CLN8: variants seen among roughly 807,000 people sequenced by gnomAD.
CLN8 encodes protein CLN8.
A neutral mutation model predicts 15.7 loss-of-function variants in CLN8; 14 were observed. The ratio of observed to expected loss-of-function variants is 0.89; its 90% CI spans 0.59 to 1.39. The LOEUF (loss-of-function observed/expected upper bound fraction) is 1.39, where lower values mean the gene tolerates loss of function less well. Ranked by LOEUF, CLN8 falls within the 40% of genes most tolerant of loss-of-function variation. The pLI is 0.00. For synonymous variants in CLN8, 188 were observed against 151.0 expected, an observed-to-expected ratio of 1.25 and a Z score of -1.80; for missense variants, 415 against 364.0, an observed-to-expected ratio of 1.14 and a Z score of -1.14.
intron 2 of CLN8, chr8:1,773,843 C>CA (rs1217245586): frequency 3.9e-5 from 6 of 152,344 alleles, no homozygotes; most frequent in African/African-American, 1.4e-4. Flanking sequence ...GAAAGGAAAG[C>CA]AGAGGCGCTC....
chr8:1,760,749 G>A (rs766422472), upstream of CLN8, among the ~76,000 whole-genome samples: 6 of 152,142 alleles, frequency 3.9e-5, no homozygotes, highest in Non-Finnish European at 7.4e-5. Context: ...GAGAGTTCTC[G>A]GATCTTGCGC....
intron 1 of CLN8, among the ~76,000 whole-genome samples, chr8:1,768,307 T>C (rs1801149215): frequency 6.6e-6 from 1 of 152,146 alleles, no homozygotes; most frequent in Admixed American, 6.5e-5. Flanking sequence ...AGCCAGCCGC[T>C]CTTCTTGGTT....
upstream of CLN8, chr8:1,762,839 A>C (rs1800834182): frequency 6.6e-6 from 1 of 152,198 alleles, no homozygotes; most frequent in African/African-American, 2.4e-5. Flanking sequence ...CCCAGTGCAG[A>C]TGCTCTGTAT....
chr8:1,759,087 T>C (rs1168847779), upstream of CLN8: 1 of 152,206 alleles, frequency 6.6e-6, no homozygotes, highest in Non-Finnish European at 1.5e-5. Context: ...TAGTATCTTA[T>C]TGCTACAGAG....
Position 1,786,126 on chromosome 8 carries a change from C to A in CLN8, c.*5559C>A, listed in dbSNP as rs1435715091. On this transcript the variant is annotated 3_prime_UTR_variant, in exon 3 of 3. Coordinates refer to ENST00000331222, the MANE Select transcript of CLN8 (RefSeq NM_018941.4). ...CAGACAGCCTGCCTTGTGCTGCATA[C>A]CTGGCTTTGCTCTGTGCAGAACCCA... 3 of 152,482 alleles carry A rather than the reference C, an allele frequency of 2.0e-5. No homozygotes were observed. Among genetic ancestry groups the A allele is most frequent in the Non-Finnish European group, 4.4e-5 (3 of 68,278 alleles). The allele number at this position is 152,482 out of a possible 1,614,324, so 9.4% of individuals were successfully genotyped here.
At chr8:1,754,889 A>C (rs954300420), upstream of CLN8, among the ~76,000 whole-genome samples, 1 of 152,198 alleles carries the variant, frequency 6.6e-6, no homozygotes, top group Non-Finnish European at 1.5e-5. Context: ...GCCTGCCCAG[A>C]AGCAGGCCGG....
Position 1,782,911 on chromosome 8 carries a change from G to T in CLN8, c.*2344G>T, listed in dbSNP as rs1419861291. 2.0e-5 allele frequency: 3 copies of T among 152,358 alleles called. No homozygotes were observed. The highest frequency in any genetic ancestry group is 3.9e-4 in the East Asian group (2 of 5,184). The allele number at this position is 152,358 out of a possible 1,614,324, so 9.4% of individuals were successfully genotyped here. A position where few individuals can be genotyped will look rare whatever the true frequency, so the allele number is the denominator to read the frequency against. On this transcript the variant is annotated 3_prime_UTR_variant, in exon 3 of 3. Coordinates refer to ENST00000331222, the MANE Select transcript of CLN8 (RefSeq NM_018941.4). Reference sequence around the variant, plus strand: ...TTACCTCCTGTATCTTCATACGCGTGTGTGGATGCATAGAGATGGAGGTGC... The same window carrying T: ...TTACCTCCTGTATCTTCATACGCGTTTGTGGATGCATAGAGATGGAGGTGC...
chr8:1,777,667 G>C (rs1801571590), intron 2 of CLN8, among the ~76,000 whole-genome samples: 1 of 151,982 alleles, frequency 6.6e-6, no homozygotes, highest in South Asian at 2.1e-4. Flanking sequence ...CATTCATCCA[G>C]CCCTGCACAG....
intron 1 of CLN8, among the ~76,000 whole-genome samples, chr8:1,756,391 G>A (rs980064051): frequency 1.3e-5 from 2 of 151,864 alleles, no homozygotes; most frequent in African/African-American, 4.8e-5. Flanking sequence ...GGCTGAGGCA[G>A]GAGAATTGCT....
chr8:1,767,198 A>G (rs1043505920), intron 1 of CLN8, among the ~76,000 whole-genome samples: 4 of 152,212 alleles, frequency 2.6e-5, no homozygotes, highest in African/African-American at 9.7e-5. Flanking sequence ...GTTAGACTAG[A>G]ACAGCACCAG....
rs1319439128 is a variant in CLN8, at chr8:1,781,344, TGACA to T, written c.*780_*783del. 1 of 138,820 alleles carries T rather than the reference TGACA, an allele frequency of 7.2e-6. No individual in the cohort carries two copies. The highest frequency in any genetic ancestry group is 2.8e-5 in the African/African-American group (1 of 36,306). 8.6% of individuals were successfully genotyped at this position (138,820 alleles called of 1,614,324 possible). On this transcript the variant is annotated 3_prime_UTR_variant, in exon 3 of 3. Coordinates refer to ENST00000331222, the MANE Select transcript of CLN8 (RefSeq NM_018941.4). Reference sequence around the variant, plus strand: ...CTGCACTCCAGCACTCCAGCCTGGGTGACAGAGCAAGACTCTCTCTCAAAAAAAA... The same window carrying T: ...CTGCACTCCAGCACTCCAGCCTGGGTGAGCAAGACTCTCTCTCAAAAAAAA...
upstream of CLN8, among the ~76,000 whole-genome samples, chr8:1,753,691 C>G (rs1800604173): frequency 6.6e-6 from 1 of 151,736 alleles, no homozygotes; most frequent in African/African-American, 2.4e-5. Context: ...CGAGACCATC[C>G]TGGCTAACAT....
upstream of CLN8, among the ~76,000 whole-genome samples, chr8:1,754,953 A>G (rs148871554): frequency 5.9e-5 from 9 of 152,286 alleles, no homozygotes; most frequent in East Asian, 1.7e-3. Flanking sequence ...CCTTGCTGCA[A>G]AGCTCCAGAA....
At chr8:1,757,327 C>T (rs1039079536) in intron 1 of CLN8, among the ~76,000 whole-genome samples, 2 of 152,240 alleles carry the variant, frequency 1.3e-5, no homozygotes, top group African/African-American at 4.8e-5. Context: ...CGTCTCCAGA[C>T]ACTGCCAAAT....
chr8:1,753,888 A>G (rs2130940415), upstream of CLN8, among the ~76,000 whole-genome samples: 1 of 149,002 alleles, frequency 6.7e-6, no homozygotes, highest in East Asian at 1.9e-4. Flanking sequence ...CTCCATCTCA[A>G]AAAAAAAAAA....
chr8:1,754,494 G>C (rs529059707), upstream of CLN8, among the ~76,000 whole-genome samples: 2 of 152,244 alleles, frequency 1.3e-5, no homozygotes, highest in East Asian at 1.9e-4. Context: ...ATGTCTATCA[G>C]CCTGATTCTC....
chr8:1,767,074 G>A (rs866604629), intron 1 of CLN8, among the ~76,000 whole-genome samples: 1 of 152,166 alleles, frequency 6.6e-6, no homozygotes, highest in Non-Finnish European at 1.5e-5. Flanking sequence ...CCTGCCTCTG[G>A]GACTGGCCTT....
chr8:1,776,492 G>GT (rs397820426), intron 2 of CLN8, among the ~76,000 whole-genome samples: 3 of 151,856 alleles, frequency 2.0e-5, no homozygotes, highest in Non-Finnish European at 4.4e-5. Flanking sequence ...ATCTGTGCGG[G>GT]CAGATGTGTG....
chr8:1,757,585 C>T (rs999774613), intron 1 of CLN8, among the ~76,000 whole-genome samples: 4 of 152,146 alleles, frequency 2.6e-5, no homozygotes, highest in Admixed American at 2.6e-4. Flanking sequence ...GAATTACAGG[C>T]ATGTGCCACG....
Sources: gnomAD v4.1 joint callset for allele counts (sites outside exome capture counted in the v4.1 genomes callset) on GRCh38, gnomAD v4.1.1 for gene constraint, MANE v1.5 for transcripts, NCBI Gene and HGNC (gene_info 2026-07-23, HGNC 2026-07-21) for gene names.